CHST11: variants seen among roughly 807,000 people sequenced by gnomAD.
The protein encoded by CHST11 is C4S-1.
A neutral mutation model predicts 30.4 loss-of-function variants in CHST11; 9 were observed. That is an observed-to-expected ratio of 0.30 (90% CI 0.18 to 0.52). The LOEUF (loss-of-function observed/expected upper bound fraction) is 0.52. CHST11 is among the 20% of genes least tolerant of loss of function. The pLI is 0.97. For synonymous variants in CHST11, 152 were observed against 187.8 expected, an observed-to-expected ratio of 0.81 and a Z score of 1.56; for missense variants, 348 against 460.6, an observed-to-expected ratio of 0.76 and a Z score of 2.24.
intron 2 of CHST11, among the ~76,000 whole-genome samples, chr12:104,610,043 C>CTGTGTGTGTGTGTGTG (rs56983056): frequency 7.0e-6 from 1 of 143,082 alleles, no homozygotes; most frequent in East Asian, 2.0e-4. Flanking sequence ...ATGAGTGCCT[C>CTGTGTGTGTGTGTGTG]TGTGTGTGTG....
chr12:104,740,775 G>T (rs1343358450), intron 2 of CHST11, among the ~76,000 whole-genome samples: 1 of 152,190 alleles, frequency 6.6e-6, no homozygotes, highest in East Asian at 1.9e-4. Flanking sequence ...CATTGTGTGT[G>T]ACTCTGTTCC....
chr12:104,727,263 G>C (rs2040223769), intron 2 of CHST11, among the ~76,000 whole-genome samples: 1 of 152,234 alleles, frequency 6.6e-6, no homozygotes, highest in African/African-American at 2.4e-5. Flanking sequence ...CTACATTCAA[G>C]ATCCTTCAGG....
At chr12:104,610,043 CTGTG>C (rs56983056) in intron 2 of CHST11, among the ~76,000 whole-genome samples, 6,604 of 142,974 alleles carry the variant, frequency 0.046, 127 homozygotes, top group Admixed American at 0.061. Context: ...ATGAGTGCCT[CTGTG>C]TGTGTGTGTG....
intron 1 of CHST11, among the ~76,000 whole-genome samples, chr12:104,581,226 G>A (rs915108159): frequency 6.6e-6 from 1 of 152,288 alleles, no homozygotes; most frequent in Admixed American, 6.5e-5. Flanking sequence ...ATTAGCTTCA[G>A]GGTGTTGACT....
chr12:104,499,668 G>A (rs914747954), intron 1 of CHST11, among the ~76,000 whole-genome samples: 2 of 152,100 alleles, frequency 1.3e-5, no homozygotes, highest in Non-Finnish European at 1.5e-5. Context: ...GTAGCTCAAC[G>A]CTGGAAGAGT....
At chr12:104,491,926 C>T (rs368353627) in intron 1 of CHST11, among the ~76,000 whole-genome samples, 15 of 152,172 alleles carry the variant, frequency 9.9e-5, no homozygotes, top group Admixed American at 3.3e-4. Context: ...TTGCTGTGCT[C>T]CAGCCATGTG....
At chr12:104,536,549 C>G (rs2038239061) in intron 1 of CHST11, among the ~76,000 whole-genome samples, 1 of 152,226 alleles carries the variant, frequency 6.6e-6, no homozygotes, top group Non-Finnish European at 1.5e-5. Flanking sequence ...GGTAGCATGT[C>G]TCATTCTCTT....
rs139092422 is a variant in CHST11, at chr12:104,515,218, C to T, written c.118+57689C>T. On this transcript the variant is annotated intron_variant, in intron 1 of 2. Coordinates refer to ENST00000303694, the MANE Select transcript of CHST11 (RefSeq NM_018413.6). ...GTCCTTAAATAAAGTTTCGCTGGAA[C>T]TCAGCCATGCTCCCTTGTTGGCGTA... Among the ~76,000 whole-genome samples the T allele has an allele frequency of 1.4e-3, 218 of 152,322 alleles. 3 individuals carry two copies. In the East Asian group the frequency reaches 0.033, roughly 23 times the overall value.
chr12:104,681,916 T>C (rs2039800516), intron 2 of CHST11, among the ~76,000 whole-genome samples: 1 of 145,670 alleles, frequency 6.9e-6, no homozygotes, highest in African/African-American at 2.5e-5. Context: ...CTGCGAGCTC[T>C]GCCTCCCAGG....
At chr12:104,571,092 G>A (rs1362621696) in intron 1 of CHST11, among the ~76,000 whole-genome samples, 1 of 152,082 alleles carries the variant, frequency 6.6e-6, no homozygotes, top group African/African-American at 2.4e-5. Flanking sequence ...TGGCAGAGAG[G>A]ATAAGTTAAT....
At chr12:104,497,871 G>T (rs916884504) in intron 1 of CHST11, among the ~76,000 whole-genome samples, 1 of 148,194 alleles carries the variant, frequency 6.7e-6, no homozygotes. Context: ...TCAGGGTCCC[G>T]CTCCACCCTG....
intron 1 of CHST11, among the ~76,000 whole-genome samples, chr12:104,464,067 CT>C (rs35504512): frequency 0.011 from 1,448 of 134,968 alleles, 15 homozygotes; most frequent in Non-Finnish European, 0.015. Flanking sequence ...CCTACTTGCA[CT>C]TTTTTTTTTT....
intron 2 of CHST11, among the ~76,000 whole-genome samples, chr12:104,731,429 G>C (rs2040257031): frequency 6.6e-6 from 1 of 152,214 alleles, no homozygotes; most frequent in Non-Finnish European, 1.5e-5. Context: ...AGTAAGTCCT[G>C]CTTGGGCTGG....
chr12:104,457,449 G>A lies in CHST11; in HGVS notation c.38G>A (p.Arg13Lys), dbSNP rs771170795. The change falls in exon 1 of 3, where the codon AGA (arginine) becomes AAA (lysine). Residue 13 changes from arginine (R) to lysine (K), a missense_variant. Transcript: ENST00000303694. Reference protein sequence around the residue: ...PALLEVMRMNRICRMVLATCL... With the variant: ...PALLEVMRMNKICRMVLATCL... ...CTGCTGGAAGTGATGAGGATGAACA[G>A]AATCTGCCGGATGGTGCTGGCCACT... 1 of 1,614,198 alleles carries A rather than the reference G, an allele frequency of 6.2e-7. No individual in the cohort carries two copies. The highest frequency in any genetic ancestry group is 1.1e-5 in the South Asian group (1 of 91,088).
chr12:104,613,582 C>G (rs2039080956), intron 2 of CHST11, among the ~76,000 whole-genome samples: 1 of 152,214 alleles, frequency 6.6e-6, no homozygotes, highest in South Asian at 2.1e-4. Flanking sequence ...CCCCTTCTCT[C>G]TCTTCCTCCT....
chr12:104,584,095 T>C (rs897316586), intron 1 of CHST11, among the ~76,000 whole-genome samples: 15 of 152,234 alleles, frequency 9.9e-5, no homozygotes, highest in Non-Finnish European at 8.8e-5. Flanking sequence ...ATTCCAACTC[T>C]TTGTTTAGAA....
At chr12:104,575,320 T>C (rs1200329281) in intron 1 of CHST11, among the ~76,000 whole-genome samples, 2 of 152,202 alleles carry the variant, frequency 1.3e-5, no homozygotes, top group Non-Finnish European at 2.9e-5. Flanking sequence ...TCTGAGTGTC[T>C]GCTGTGTGCC....
rs1430530184 is a variant in CHST11, at chr12:104,539,666, G to GCATAATTCAT, written c.119-62239_119-62230dup. Reference sequence around the variant, plus strand: ...ACCCCCAAAATTGTCAGCCACAATGGCATAATTCATAGTAAAGCATACACT... The same window carrying GCATAATTCAT: ...ACCCCCAAAATTGTCAGCCACAATGGCATAATTCATCATAATTCATAGTAAAGCATACACT... On this transcript the variant is annotated intron_variant, in intron 1 of 2. Transcript: ENST00000303694. Among the ~76,000 whole-genome samples the GCATAATTCAT allele has an allele frequency of 3.9e-5, 6 of 152,214 alleles. No homozygotes were observed. The East Asian group carries it at 9.7e-4, about 24-fold the overall frequency.
At chr12:104,547,368 G>A (rs185241432) in intron 1 of CHST11, among the ~76,000 whole-genome samples, 1 of 152,308 alleles carries the variant, frequency 6.6e-6, no homozygotes, top group African/African-American at 2.4e-5. Context: ...GCCAGGAGCC[G>A]CAAGATTTTC....
Sources: gnomAD v4.1 joint callset for allele counts (sites outside exome capture counted in the v4.1 genomes callset) on GRCh38, gnomAD v4.1.1 for gene constraint, MANE v1.5 for transcripts, NCBI Gene and HGNC (gene_info 2026-07-23, HGNC 2026-07-21) for gene names.